TDP1: variants seen among roughly 807,000 people sequenced by gnomAD.
TDP1 encodes the protein tyr-DNA phosphodiesterase 1.
TDP1 carries 64 observed loss-of-function variants against 81.5 expected under a neutral mutation model. The ratio of observed to expected loss-of-function variants is 0.79; its 90% CI spans 0.64 to 0.97. The LOEUF (loss-of-function observed/expected upper bound fraction) is 0.97, where lower values mean the gene tolerates loss of function less well. Ranked by LOEUF, TDP1 falls within the 50% of genes least tolerant of loss-of-function variation. TDP1 has a pLI of 0.00. For missense variants in TDP1, 723 were observed against 743.8 expected (o/e 0.97, Z 0.33); for synonymous variants, 256 against 264.3 (o/e 0.97, Z 0.30).
chr14:89,997,180 A>G (rs1896711669), intron 14 of TDP1, among the ~76,000 whole-genome samples: 1 of 151,888 alleles, frequency 6.6e-6, no homozygotes, highest in African/African-American at 2.4e-5. Context: ...TTCCCTATTC[A>G]CTGTGGTTGC....
rs924877072 is a variant in TDP1 at position 89,993,483 on chromosome 14, G to C, written c.1541G>C (p.Ser514Thr). 1 of 1,612,532 alleles carries C rather than the reference G, an allele frequency of 6.2e-7. No individual in the cohort carries two copies. Among genetic ancestry groups the C allele is most frequent in the Non-Finnish European group, 8.5e-7 (1 of 1,178,868 alleles). ...FSKIAWFLVT[S>T]ANLSKAAWGA... Reference sequence around the variant, plus strand: ...AAAATTGCTTGGTTCCTTGTCACAAGGTAAATAGTCCTTACATTCCTGATG... The same window carrying C: ...AAAATTGCTTGGTTCCTTGTCACAACGTAAATAGTCCTTACATTCCTGATG... Residue 514 changes from serine to threonine, a missense_variant and splice_region_variant, in exon 14 of 17, where the codon AGC becomes ACC. Coordinates refer to ENST00000335725, the MANE Select transcript of TDP1 (RefSeq NM_018319.4).
chr14:90,032,619 G>A, intron 15 of TDP1: 1 of 424,008 alleles, frequency 2.4e-6, no homozygotes, highest in Non-Finnish European at 3.2e-6. Context: ...CATTTTGATA[G>A]GTCTTAAAGA....
intron 14 of TDP1, among the ~76,000 whole-genome samples, chr14:89,994,549 T>C (rs1193601923): frequency 6.6e-6 from 1 of 152,230 alleles, no homozygotes; most frequent in Non-Finnish European, 1.5e-5. Context: ...AAAGTAACCC[T>C]GTGAGTAATC....
chr14:90,005,150 C>T (rs1462919828), intron 14 of TDP1, among the ~76,000 whole-genome samples: 1 of 152,180 alleles, frequency 6.6e-6, no homozygotes, highest in Non-Finnish European at 1.5e-5. Flanking sequence ...TGTGAACAGT[C>T]CATCTGCTCT....
rs1596746249 is a variant in TDP1 at position 90,043,330 on chromosome 14, T to C, written c.*187T>C. The C allele has an allele frequency of 1.5e-6, 1 of 677,356 alleles. No individual in the cohort carries two copies. Among genetic ancestry groups the C allele is most frequent in the African/African-American group, 1.8e-5 (1 of 55,288 alleles). 42.0% of individuals were successfully genotyped at this position (677,356 alleles called of 1,614,324 possible). On this transcript the variant is annotated 3_prime_UTR_variant, in exon 17 of 17. Coordinates refer to ENST00000335725, the MANE Select transcript of TDP1 (RefSeq NM_018319.4). ...GGACATTAACATTCCTAATAAAGTA[T>C]TAGTTTCTTAATTCACTTTTATATG...
At chr14:90,006,782 G>A (rs532121251) in intron 14 of TDP1, among the ~76,000 whole-genome samples, 1 of 151,954 alleles carries the variant, frequency 6.6e-6, no homozygotes, top group African/African-American at 2.4e-5. Context: ...CAGGTGATCC[G>A]CCCACCTCAG....
Position 90,022,679 on chromosome 14 carries a change from G to C in TDP1, c.1644+3261G>C, listed in dbSNP as rs528953815. On this transcript the variant is annotated intron_variant, in intron 15 of 16. Transcript: ENST00000335725. ...GTTGTTGGGTTATTTTGATATAGGA[G>C]ACTTTATCTTAAAGTGCTTATATCA... is the stretch of plus-strand genomic sequence containing the variant. 4 of 862,660 alleles carry C rather than the reference G, an allele frequency of 4.6e-6. No individual in the cohort carries two copies. In the South Asian group the frequency reaches 2.1e-4, roughly 46 times the overall value. The allele number at this position is 862,660 out of a possible 1,614,324, so 53.4% of individuals were successfully genotyped here. A position where few individuals can be genotyped will look rare whatever the true frequency, so the allele number is the denominator to read the frequency against.
At chr14:89,997,108 A>G (rs1896707259) in intron 14 of TDP1, among the ~76,000 whole-genome samples, 1 of 152,248 alleles carries the variant, frequency 6.6e-6, no homozygotes, top group Admixed American at 6.5e-5. Flanking sequence ...TTTAGCCAAA[A>G]CATCACTTCT....
chr14:90,042,036 G>C (rs893633671), intron 16 of TDP1, among the ~76,000 whole-genome samples: 7 of 152,166 alleles, frequency 4.6e-5, no homozygotes, highest in African/African-American at 1.7e-4. Context: ...AGGGTATTAA[G>C]AGGGACGGAG....
intron 8 of TDP1, among the ~76,000 whole-genome samples, chr14:89,981,736 A>G (rs866408479): frequency 7.2e-5 from 11 of 152,066 alleles, no homozygotes; most frequent in Non-Finnish European, 8.8e-5. Flanking sequence ...CCCAGGTTAC[A>G]ATGCTGTGAT....
rs984715105 is a variant in TDP1, at chr14:89,962,439, AT to A, written c.-7-667del. 8.6e-4 allele frequency among the ~76,000 whole-genome samples: 131 copies of A among 152,198 alleles called. 11 individuals carry two copies. The highest frequency in any genetic ancestry group is 1.5e-5 in the Non-Finnish European group (1 of 68,034). Reference sequence around the variant, plus strand: ...TTTGACCTTAAGCATTTGAACATAGATTAAATGGACCTTAATCCCAAACGCT... The same window carrying A: ...TTTGACCTTAAGCATTTGAACATAGATAAATGGACCTTAATCCCAAACGCT... On this transcript the variant is annotated intron_variant, in intron 2 of 16. Transcript: ENST00000335725.
intron 12 of TDP1, 40 bp from the exon 13 acceptor site, chr14:89,991,877 A>G: frequency 6.4e-7 from 1 of 1,569,874 alleles, no homozygotes; most frequent in South Asian, 1.1e-5. Flanking sequence ...TCCTCAAATT[A>G]TATTTCATAA....
At chr14:90,002,901 T>C (rs1897300964) in intron 14 of TDP1, among the ~76,000 whole-genome samples, 1 of 152,106 alleles carries the variant, frequency 6.6e-6, no homozygotes, top group African/African-American at 2.4e-5. Context: ...CATAGATATA[T>C]AGCCTTTTCT....
At chr14:90,022,871 GA>G in intron 15 of TDP1, 1 of 523,444 alleles carries the variant, frequency 1.9e-6, no homozygotes, top group South Asian at 8.2e-5. Context: ...ACAGGAGTGA[GA>G]TGCTTAACTT....
chr14:90,026,951 T>C (rs1886732347), intron 15 of TDP1, among the ~76,000 whole-genome samples: 1 of 152,336 alleles, frequency 6.6e-6, no homozygotes, highest in Admixed American at 6.5e-5. Flanking sequence ...GCAGCATGAT[T>C]TACAATCCTT....
chr14:89,991,608 A>G (rs888816338), intron 12 of TDP1: 28 of 984,994 alleles, frequency 2.8e-5, no homozygotes, highest in Non-Finnish European at 3.1e-5. Context: ...TTTGTGTTAC[A>G]TGAGCCTTAT....
intron 14 of TDP1, among the ~76,000 whole-genome samples, chr14:89,994,828 G>T (rs552318028): frequency 6.6e-6 from 1 of 152,138 alleles, no homozygotes; most frequent in Non-Finnish European, 1.5e-5. Context: ...AAACCCAGAC[G>T]GATTAGAAGG....
At chr14:89,973,389 T>C (rs1283477185) in intron 6 of TDP1, among the ~76,000 whole-genome samples, 1 of 152,220 alleles carries the variant, frequency 6.6e-6, no homozygotes, top group Admixed American at 6.5e-5. Context: ...GAGTGGTTCC[T>C]GTGCTTGATA....
In TDP1 at chr14:89,990,968, G is replaced by T. The variant is rs561096562; in HGVS notation, c.1367-949G>T. The stretch of plus-strand genomic sequence containing the variant: ...TCTTTATTCTCTTTGCAAGAATAAG[G>T]CTTTTAGAATTCCTTTTTTCAAACT... On this transcript the variant is annotated intron_variant, in intron 12 of 16. Transcript: ENST00000335725. Among the ~76,000 whole-genome samples, 6 of 152,236 alleles carry T rather than the reference G, an allele frequency of 3.9e-5. No individual in the cohort carries two copies. In the South Asian group the frequency reaches 1.2e-3, roughly 32 times the overall value.
Sources: allele counts gnomAD v4.1 joint callset (sites outside exome capture counted in the v4.1 genomes callset), GRCh38; gene constraint gnomAD v4.1.1; transcripts MANE v1.5; gene names NCBI Gene and HGNC (gene_info 2026-07-23, HGNC 2026-07-21).